The following SYT7 variants were observed in gnomAD, a reference collection of about 807,000 sequenced individuals.
SYT7 encodes synaptotagmin 7.
Under a neutral mutation model 75.1 loss-of-function variants are expected in SYT7, and 29 were observed. The ratio of observed to expected loss-of-function variants is 0.39; its 90% CI spans 0.29 to 0.53. The LOEUF is 0.53. Ranked by LOEUF, SYT7 falls within the 20% of genes least tolerant of loss-of-function variation. The pLI, the probability that SYT7 is intolerant of heterozygous loss-of-function variation, is 0.77. For synonymous variants in SYT7, 376 were observed against 401.7 expected, an observed-to-expected ratio of 0.94 and a Z score of 0.76; for missense variants, 693 against 953.2, an observed-to-expected ratio of 0.73 and a Z score of 3.59.
At chr11:61,543,040 T>C (rs1590881282) in intron 5 of SYT7, among the ~76,000 whole-genome samples, 1 of 152,184 alleles carries the variant, frequency 6.6e-6, no homozygotes, top group East Asian at 1.9e-4. Context: ...TTCTAAGTAC[T>C]GGCATCCTTT....
At chr11:61,558,332 C>T (rs2063547469) in intron 1 of SYT7, among the ~76,000 whole-genome samples, 1 of 151,976 alleles carries the variant, frequency 6.6e-6, no homozygotes, top group Non-Finnish European at 1.5e-5. Flanking sequence ...GCCTGTACTC[C>T]CAGCTACTTG....
intron 3 of SYT7, among the ~76,000 whole-genome samples, chr11:61,550,774 G>C (rs1354589849): frequency 6.6e-6 from 1 of 152,220 alleles, no homozygotes; most frequent in Non-Finnish European, 1.5e-5. Flanking sequence ...TGCAGTGGGA[G>C]GGCAGACTCC....
rs2063341564 is a variant in SYT7, at chr11:61,551,274, G to A, written c.215+110C>T. 9.7e-7 allele frequency: 1 copy of A among 1,028,752 alleles called. No homozygotes were observed. The highest frequency in any genetic ancestry group is 1.5e-6 in the Non-Finnish European group (1 of 675,744). 63.7% of individuals were successfully genotyped at this position (1,028,752 alleles called of 1,614,324 possible). On this transcript the variant is annotated intron_variant, in intron 3 of 12. Coordinates refer to ENST00000539008, the MANE Select transcript of SYT7 (RefSeq NM_001365809.2). The surrounding 1 kb of genome is among the most constrained non-coding windows in gnomAD (Gnocchi z 5.3). ...TGTAGAGAGCATGGCATCGGGGTGT[G>A]GGGGAAGTGAAAGTGTGTGGTCAGG...
intron 1 of SYT7, among the ~76,000 whole-genome samples, chr11:61,572,820 C>G (rs2063958732): frequency 6.6e-6 from 1 of 152,156 alleles, no homozygotes. Flanking sequence ...ATCTGACCCC[C>G]ACTCAGGGGT....
chr11:61,547,308 A>ACTGGAGGGGCAGAGAGAG lies in SYT7; in HGVS notation c.216-18_216-1dup (p.Asn72_Asp73insSerLeuCysProSerSer). 2.0e-6 allele frequency: 3 copies of ACTGGAGGGGCAGAGAGAG among 1,535,462 alleles called. No homozygotes were observed. Among genetic ancestry groups the ACTGGAGGGGCAGAGAGAG allele is most frequent in the Non-Finnish European group, 2.6e-6 (3 of 1,146,524 alleles). On this transcript the variant is annotated inframe_insertion and splice_region_variant. Coordinates refer to ENST00000539008, the MANE Select transcript of SYT7 (RefSeq NM_001365809.2). ...TATTCCAAAAGTCTCTGTCTAGATC[A>ACTGGAGGGGCAGAGAGAG]CTGGAGGGGCAGAGAGAGAGGGGAG...
At chr11:61,522,231 G>A (rs2429859) in intron 12 of SYT7, among the ~76,000 whole-genome samples, 4 of 144,088 alleles carry the variant, frequency 2.8e-5, no homozygotes, top group African/African-American at 7.9e-5. Flanking sequence ...TCTCTGTTGC[G>A]CAGGCTGGAG....
At chr11:61,538,587 C>T (rs2062951296) in intron 6 of SYT7, among the ~76,000 whole-genome samples, 1 of 152,132 alleles carries the variant, frequency 6.6e-6, no homozygotes, top group African/African-American at 2.4e-5. Context: ...CAGAGCTAAA[C>T]TGCAAGGGGC....
At chr11:61,534,627 T>C (rs2062814847) in intron 7 of SYT7, among the ~76,000 whole-genome samples, 1 of 152,034 alleles carries the variant, frequency 6.6e-6, no homozygotes, top group Non-Finnish European at 1.5e-5. Context: ...GACCCAGGCA[T>C]GCCACGTGTG....
At position 61,547,185 on chromosome 11, in the gene SYT7, C is replaced by T. The variant is rs1304268587; in HGVS notation, c.339G>A (p.Leu113=). 1.3e-6 allele frequency: 2 copies of T among 1,535,438 alleles called. No individual in the cohort carries two copies. Among genetic ancestry groups the T allele is most frequent in the Non-Finnish European group, 8.7e-7 (1 of 1,146,664 alleles). The change falls in exon 4 of 13, where the codon CTG becomes CTA. Residue 113 remains leucine, a synonymous_variant. Coordinates refer to ENST00000539008, the MANE Select transcript of SYT7 (RefSeq NM_001365809.2). ...CAGGTAAAGTCACTCACTTGAGGGA[C>T]AGTCGTGGGTCGCCATAAGGGGCGT... ...SPYAPYGDPR[L]SLNGTLLSGA...
chr11:61,559,814 G>C (rs2135371572), intron 1 of SYT7, among the ~76,000 whole-genome samples: 1 of 152,306 alleles, frequency 6.6e-6, no homozygotes, highest in South Asian at 2.1e-4. Context: ...GGCACACTCT[G>C]AAAGGTCCCC....
In SYT7 at chr11:61,517,009, T is replaced by A; in HGVS notation, c.*1618A>T. 5.5e-6 allele frequency: 2 copies of A among 366,762 alleles called. No individual in the cohort carries two copies. Among genetic ancestry groups the A allele is most frequent in the East Asian group, 7.9e-5 (2 of 25,444 alleles). 22.7% of individuals were successfully genotyped at this position (366,762 alleles called of 1,614,324 possible). A position where few individuals can be genotyped will look rare whatever the true frequency, so the allele number is the denominator to read the frequency against. On this transcript the variant is annotated 3_prime_UTR_variant, in exon 13 of 13. Coordinates refer to ENST00000539008, the MANE Select transcript of SYT7 (RefSeq NM_001365809.2). ...CCACGCCCTGGATGTGGGGACCCTATCCAGAGTCCCCTTCTTCTCTTTGGG... is the reference window on the plus strand; with the variant it reads ...CCACGCCCTGGATGTGGGGACCCTAACCAGAGTCCCCTTCTTCTCTTTGGG...
At chr11:61,528,402 G>A (rs1236218765) in intron 8 of SYT7, among the ~76,000 whole-genome samples, 2 of 152,128 alleles carry the variant, frequency 1.3e-5, no homozygotes, top group Non-Finnish European at 2.9e-5. Context: ...CCTGTCTCCT[G>A]AACCTCAGAG....
the SYT7 span, among the ~76,000 whole-genome samples, chr11:61,587,266 C>A: frequency 6.6e-6 from 1 of 152,200 alleles, no homozygotes; most frequent in Non-Finnish European, 1.5e-5. Context: ...GCTGGTAGAG[C>A]GGTCAAGCCC....
At chr11:61,529,017 C>T (rs1180986781) in intron 8 of SYT7, among the ~76,000 whole-genome samples, 1 of 152,086 alleles carries the variant, frequency 6.6e-6, no homozygotes, top group Non-Finnish European at 1.5e-5. Context: ...GAGGGTCTCC[C>T]AGCCACGTGT....
upstream of SYT7, among the ~76,000 whole-genome samples, chr11:61,581,328 C>T (rs1197201780): frequency 6.7e-6 from 1 of 149,798 alleles, no homozygotes; most frequent in Admixed American, 6.6e-5. Flanking sequence ...GGCCGCCGAG[C>T]CCCACGGCCG....
chr11:61,559,492 C>A (rs2063584170), intron 1 of SYT7, among the ~76,000 whole-genome samples: 1 of 152,032 alleles, frequency 6.6e-6, no homozygotes, highest in South Asian at 2.1e-4. Flanking sequence ...ACCATGGGAG[C>A]CATGATAGGC....
At chr11:61,537,355 G>A (rs939485822) in intron 7 of SYT7, among the ~76,000 whole-genome samples, 2 of 147,098 alleles carry the variant, frequency 1.4e-5, no homozygotes, top group Non-Finnish European at 3.0e-5. Context: ...TCCCTGAGAC[G>A]GAGACAGTAG....
Position 61,546,713 on chromosome 11 carries a change from A to G in SYT7, c.348-458T>C. 1 of 453,126 alleles carries G rather than the reference A, an allele frequency of 2.2e-6. No homozygotes were observed. Among genetic ancestry groups the G allele is most frequent in the Non-Finnish European group, 4.4e-6 (1 of 225,818 alleles). The allele number at this position is 453,126 out of a possible 1,614,324, so 28.1% of individuals were successfully genotyped here. A position where few individuals can be genotyped will look rare whatever the true frequency, so the allele number is the denominator to read the frequency against. The stretch of plus-strand genomic sequence containing the variant: ...GGAGAAAGAGAAAGCCGTGTTAGTC[A>G]GAGTTCATCACCACCACCACCACCA... On this transcript the variant is annotated intron_variant, in intron 4 of 12. Transcript: ENST00000539008. The surrounding 1 kb of genome is among the most constrained non-coding windows in gnomAD (Gnocchi z 7.6).
rs371886863 is a variant in SYT7, at chr11:61,552,387, C to T, written c.136-924G>A. ...GGGCAGTCGGGGGACAGGGGCTGTG[C>T]GGGGTTTGGGGCTGCCTCTCCCAGC... is the stretch of plus-strand genomic sequence containing the variant. On this transcript the variant is annotated intron_variant, in intron 2 of 12. Transcript: ENST00000539008. 2.1e-3 allele frequency among the ~76,000 whole-genome samples: 314 copies of T among 151,868 alleles called. 2 individuals are homozygous for T. The highest frequency in any genetic ancestry group is 7.0e-3 in the African/African-American group (290 of 41,490).
Sources: allele counts gnomAD v4.1 joint callset (sites outside exome capture counted in the v4.1 genomes callset), GRCh38; gene constraint gnomAD v4.1.1; non-coding constraint Gnocchi (gnomAD v3.1); transcripts MANE v1.5; gene names NCBI Gene and HGNC (gene_info 2026-07-23, HGNC 2026-07-21).